Variants in NCOA1 observed in about 807,000 individuals in gnomAD.
The protein encoded by NCOA1 is Hin-2 protein.
NCOA1 carries 35 observed loss-of-function variants against 150.9 expected under a neutral mutation model. That is an observed-to-expected ratio of 0.23 (90% CI 0.18 to 0.31). The LOEUF (loss-of-function observed/expected upper bound fraction) is 0.31. Ranked by LOEUF, NCOA1 falls within the 10% of genes least tolerant of loss-of-function variation. The pLI, the probability that NCOA1 is intolerant of heterozygous loss-of-function variation, is 1.00. For synonymous variants in NCOA1, 590 were observed against 630.0 expected, an observed-to-expected ratio of 0.94 and a Z score of 0.95; for missense variants, 1,491 against 1,749.3, an observed-to-expected ratio of 0.85 and a Z score of 2.63.
intron 3 of NCOA1, among the ~76,000 whole-genome samples, chr2:24,628,239 G>A (rs1256748085): frequency 6.6e-6 from 1 of 151,608 alleles, no homozygotes; most frequent in Non-Finnish European, 1.5e-5. Context: ...GGCAGAGGTT[G>A]CAGTGAGCCA....
At chr2:24,670,669 A>G (rs935144512) in intron 6 of NCOA1, among the ~76,000 whole-genome samples, 3 of 152,152 alleles carry the variant, frequency 2.0e-5, no homozygotes, top group Admixed American at 6.5e-5. Context: ...CCTCAGACTT[A>G]GGGGTATTGG....
intron 3 of NCOA1, among the ~76,000 whole-genome samples, chr2:24,608,704 G>GTTTTT (rs56710627): frequency 6.1e-4 from 71 of 117,296 alleles, no homozygotes; most frequent in Non-Finnish European, 8.0e-4. Context: ...TTGTTGTTGT[G>GTTTTT]TTTTTTTTTT....
intron 3 of NCOA1, among the ~76,000 whole-genome samples, chr2:24,639,411 T>C (rs555474830): frequency 6.6e-6 from 1 of 152,290 alleles, no homozygotes; most frequent in African/African-American, 2.4e-5. Flanking sequence ...CTAGTATTAG[T>C]AATTTGTGTT....
At chr2:24,686,680 T>C (rs1558286820) in intron 8 of NCOA1, among the ~76,000 whole-genome samples, 1 of 152,172 alleles carries the variant, frequency 6.6e-6, no homozygotes, top group East Asian at 1.9e-4. Flanking sequence ...TAAAAGAAGA[T>C]TTAGGTTCAA....
intron 1 of NCOA1, among the ~76,000 whole-genome samples, chr2:24,503,737 T>TG (rs930898325): frequency 6.6e-6 from 1 of 151,088 alleles, no homozygotes; most frequent in African/African-American, 2.4e-5. Context: ...GTCTCTGTTT[T>TG]TTTTTTTTTT....
At chr2:24,733,063 T>C (rs1357209034) in intron 17 of NCOA1, among the ~76,000 whole-genome samples, 1 of 152,220 alleles carries the variant, frequency 6.6e-6, no homozygotes, top group African/African-American at 2.4e-5. Flanking sequence ...TGGAGTTGTG[T>C]GATTTGGGAT....
intron 3 of NCOA1, among the ~76,000 whole-genome samples, chr2:24,592,016 C>T (rs1382448583): frequency 6.6e-6 from 1 of 152,086 alleles, no homozygotes; most frequent in Admixed American, 6.6e-5. Flanking sequence ...TTTATAAGCT[C>T]CATAAAAGCT....
At chr2:24,538,935 T>G (rs189222851) in intron 1 of NCOA1, among the ~76,000 whole-genome samples, 5 of 152,296 alleles carry the variant, frequency 3.3e-5, no homozygotes, top group African/African-American at 1.2e-4. Context: ...AATCTTCTTT[T>G]GACTAGTCAA....
At chr2:24,576,149 G>GTTTGTTTTTTTTTTTTTTTTTTTTTT (rs1666947335) in intron 2 of NCOA1, among the ~76,000 whole-genome samples, 1 of 94,026 alleles carries the variant, frequency 1.1e-5, no homozygotes, top group Non-Finnish European at 2.0e-5. Flanking sequence ...TTTGGCCTTT[G>GTTTGTTTTTTTTTTTTTTTTTTTTTT]TTTTTTTTTT....
chr2:24,698,148 G>T (rs1672986435), intron 11 of NCOA1, among the ~76,000 whole-genome samples: 1 of 152,094 alleles, frequency 6.6e-6, no homozygotes, highest in Non-Finnish European at 1.5e-5. Context: ...TTATAATACA[G>T]TAGGAAAATA....
intron 4 of NCOA1, among the ~76,000 whole-genome samples, chr2:24,646,706 CTTT>C (rs79399130): frequency 7.6e-6 from 1 of 132,268 alleles, no homozygotes; most frequent in African/African-American, 2.8e-5. Context: ...TTTCTTCTTT[CTTT>C]TTTTTTTTTT....
At chr2:24,681,063 T>TAAA (rs70947836) in intron 7 of NCOA1, among the ~76,000 whole-genome samples, 4,434 of 144,688 alleles carry the variant, frequency 0.031, 75 homozygotes, top group African/African-American at 0.051. Flanking sequence ...CATTTTCACA[T>TAAA]AAAAAAAAAA....
At chr2:24,698,796 T>C (rs1215214855) in intron 11 of NCOA1, among the ~76,000 whole-genome samples, 5 of 152,206 alleles carry the variant, frequency 3.3e-5, no homozygotes, top group African/African-American at 7.2e-5. Flanking sequence ...TTAGATTTCC[T>C]AAGTTTACGG....
At chr2:24,583,021 T>C (rs180691242) in intron 2 of NCOA1, among the ~76,000 whole-genome samples, 2 of 152,284 alleles carry the variant, frequency 1.3e-5, no homozygotes, top group Non-Finnish European at 2.9e-5. Flanking sequence ...ATTTCCTGGC[T>C]AAGACTTCAA....
chr2:24,627,777 G>A (rs1035759651), intron 3 of NCOA1, among the ~76,000 whole-genome samples: 2 of 152,216 alleles, frequency 1.3e-5, no homozygotes, highest in Non-Finnish European at 2.9e-5. Context: ...AACACTTGCA[G>A]TTTAGGTGTT....
intron 7 of NCOA1, among the ~76,000 whole-genome samples, chr2:24,682,579 G>A (rs1207299339): frequency 6.6e-6 from 1 of 152,084 alleles, no homozygotes; most frequent in Non-Finnish European, 1.5e-5. Context: ...GCTGCAAACT[G>A]CCTGTTCGTT....
intron 13 of NCOA1, 57 bp downstream of exon 13, chr2:24,707,945 A>T (rs1227965181): frequency 6.6e-7 from 1 of 1,513,894 alleles, no homozygotes; most frequent in African/African-American, 1.4e-5. Flanking sequence ...TTTTTCATTT[A>T]TTCTATTCCA....
At chr2:24,554,664 A>C (rs954033904) in intron 1 of NCOA1, 1 of 152,236 alleles carries the variant, frequency 6.6e-6, no homozygotes, top group African/African-American at 2.4e-5. Context: ...CGACAGCTGA[A>C]TCCTCCGTGA....
At chr2:24,576,188 T>TTTTTTTTTTTTTTTG (rs1558806701) in intron 2 of NCOA1, among the ~76,000 whole-genome samples, 1 of 97,360 alleles carries the variant, frequency 1.0e-5, no homozygotes, top group Non-Finnish European at 2.2e-5. Context: ...TTTTTTTTTT[T>TTTTTTTTTTTTTTTG]TTTGTTTGCT....
Sources: allele counts gnomAD v4.1 joint callset (sites outside exome capture counted in the v4.1 genomes callset), GRCh38; gene constraint gnomAD v4.1.1; transcripts MANE v1.5; gene names NCBI Gene and HGNC (gene_info 2026-07-23, HGNC 2026-07-21).